PLXNA4: variants seen among roughly 807,000 people sequenced by gnomAD.
The protein encoded by PLXNA4 is plexin A4, also known as plexin-A4.
In PLXNA4, 44 loss-of-function variants were observed where a neutral mutation model predicts 191.8. The ratio of observed to expected loss-of-function variants is 0.23; its 90% CI spans 0.18 to 0.29. The LOEUF (loss-of-function observed/expected upper bound fraction) is 0.29, where lower values mean the gene tolerates loss of function less well. Among genes scored for constraint, PLXNA4 ranks in the 10% least tolerant of loss-of-function variants. The probability of loss-of-function intolerance (pLI) is 1.00; values close to 1 mark genes in which losing one functional copy is unlikely to be tolerated. For missense variants in PLXNA4, 1,800 were observed against 2,488.8 expected (o/e 0.72, Z 5.89); for synonymous variants, 1,082 against 1,009.5 (o/e 1.07, Z -1.36).
At position 132,569,207 on chromosome 7, in the gene PLXNA4, C is replaced by A. The variant is rs149196872; in HGVS notation, c.-87+7215G>T. 2.2e-3 allele frequency among the ~76,000 whole-genome samples: 332 copies of A among 152,360 alleles called. 1 individual carries two copies. The highest frequency in any genetic ancestry group is 1.9e-3 in the Non-Finnish European group (132 of 68,040). On this transcript the variant is annotated intron_variant, in intron 1 of 31. Coordinates refer to ENST00000321063, the MANE Select transcript of PLXNA4 (RefSeq NM_020911.2). ...TGTTCACACCAGGCTTCCCTGGATA[C>A]CTCCTGAGTGACTGAGCCACCAGCT...
intron 27 of PLXNA4, among the ~76,000 whole-genome samples, chr7:132,147,639 T>C (rs988366690): frequency 6.6e-6 from 1 of 152,222 alleles, no homozygotes; most frequent in Non-Finnish European, 1.5e-5. Flanking sequence ...TGTGAGATAA[T>C]AGCTATCACA....
At chr7:132,346,988 C>T (rs970178405) in intron 3 of PLXNA4, among the ~76,000 whole-genome samples, 1 of 152,118 alleles carries the variant, frequency 6.6e-6, no homozygotes, top group African/African-American at 2.4e-5. Flanking sequence ...AAACTGCATC[C>T]CTTTGCTAAG....
intron 1 of PLXNA4, among the ~76,000 whole-genome samples, chr7:132,536,272 A>G (rs1013481446): frequency 6.6e-6 from 1 of 152,180 alleles, no homozygotes; most frequent in Non-Finnish European, 1.5e-5. Flanking sequence ...TCTCCCTAGT[A>G]AGTTCAGTTT....
At chr7:132,212,517 G>T (rs892710578) in intron 9 of PLXNA4, among the ~76,000 whole-genome samples, 1 of 152,196 alleles carries the variant, frequency 6.6e-6, no homozygotes, top group Admixed American at 6.5e-5. Flanking sequence ...GCACATCACA[G>T]CCCATTTGAA....
In PLXNA4 at chr7:132,489,320, A is replaced by G. The variant is rs199914956; in HGVS notation, c.1343T>C (p.Val448Ala). The G allele has an allele frequency of 1.6e-5, 25 of 1,588,950 alleles. No individual in the cohort carries two copies. The African/African-American group carries it at 3.2e-4, about 20-fold the overall frequency. Residue 448 changes from valine to alanine, a missense_variant, in exon 3 of 32, where the codon GTG becomes GCG. Val to Ala is a moderately conservative substitution (Grantham distance 64). Coordinates refer to ENST00000321063, the MANE Select transcript of PLXNA4 (RefSeq NM_020911.2). ...YVYKNHSLAF[V>A]GTKSGKLKKI... is the part of the protein sequence containing the mutation. ...CTTCAGCTTGCCACTTTTGGTGCCC[A>G]CAAAGGCCAGAGAGTGGTTCTTGTA... is the stretch of plus-strand genomic sequence containing the variant.
intron 3 of PLXNA4, among the ~76,000 whole-genome samples, chr7:132,455,906 T>C (rs1024248346): frequency 1.3e-5 from 2 of 152,126 alleles, no homozygotes; most frequent in East Asian, 1.9e-4. Context: ...GGGAGGAAGA[T>C]GTGGGGCATG....
At chr7:132,298,399 G>C (rs889941633) in intron 3 of PLXNA4, among the ~76,000 whole-genome samples, 177 bp from the exon 4 acceptor site, 1 of 152,240 alleles carries the variant, frequency 6.6e-6, no homozygotes, top group Admixed American at 6.5e-5. Flanking sequence ...CCTCAGGATG[G>C]GAGTGGCAGA....
chr7:132,361,196 T>C (rs545353225), intron 3 of PLXNA4, among the ~76,000 whole-genome samples: 245 of 152,126 alleles, frequency 1.6e-3, no homozygotes, highest in African/African-American at 5.2e-3. Flanking sequence ...GAGAGAAGTG[T>C]CGCAGGTTGG....
Position 132,185,462 on chromosome 7 carries a change from G to T in PLXNA4, c.2995C>A (p.Arg999=), listed in dbSNP as rs1404515145. The T allele has an allele frequency of 2.5e-6, 4 of 1,610,836 alleles. No individual in the cohort carries two copies. The East Asian group carries it at 6.7e-5, about 27-fold the overall frequency. The part of the protein sequence containing the change: ...FGKQPCLFHR[R]SPSYIVCNTT... ...TTGCAGACAATGTAGGATGGAGATC[G>T]CCTGGAGGGCAGGAAGACAGAGCAC... The change falls in exon 16 of 32, where the codon CGA becomes AGA. Residue 999 remains arginine (R), a splice_region_variant and synonymous_variant. Coordinates refer to ENST00000321063, the MANE Select transcript of PLXNA4 (RefSeq NM_020911.2).
chr7:132,300,077 A>T (rs1373324893), intron 3 of PLXNA4, among the ~76,000 whole-genome samples: 1 of 152,202 alleles, frequency 6.6e-6, no homozygotes, highest in East Asian at 1.9e-4. Context: ...GTTACTGCAG[A>T]TATTTTCTTT....
intron 4 of PLXNA4, among the ~76,000 whole-genome samples, chr7:132,243,342 G>A (rs542542283): frequency 3.9e-5 from 6 of 152,130 alleles, no homozygotes; most frequent in Non-Finnish European, 5.9e-5. Flanking sequence ...GCATTTTCTC[G>A]CTCTAAACTT....
intron 3 of PLXNA4, among the ~76,000 whole-genome samples, chr7:132,452,278 G>A (rs193047306): frequency 9.3e-4 from 141 of 152,300 alleles, no homozygotes; most frequent in Admixed American, 8.5e-4. Context: ...AGCATGGAGA[G>A]ATGGAAGAGA....
chr7:132,541,824 C>T (rs1042559228), intron 1 of PLXNA4, among the ~76,000 whole-genome samples: 4 of 152,192 alleles, frequency 2.6e-5, no homozygotes, highest in Non-Finnish European at 5.9e-5. Flanking sequence ...TGCATCTGCT[C>T]AGATTCTAAC....
Position 132,613,915 on chromosome 7 carries a change from G to A in PLXNA4, c.-87+32013C>T, listed in dbSNP as rs117184272. On this transcript the variant is annotated intron_variant, in intron 2 of 4. Transcript: ENST00000378539. The stretch of plus-strand genomic sequence containing the variant: ...GGGCAGGTTACTTCTGCCTGTGGGC[G>A]TGGGGCTTCAAAGGGCAACATTGGA... 2.7e-3 allele frequency among the ~76,000 whole-genome samples: 413 copies of A among 152,284 alleles called. 3 individuals carry two copies. Among genetic ancestry groups the A allele is most frequent in the Non-Finnish European group, 3.5e-3 (236 of 68,030 alleles).
rs532837876 is a variant in PLXNA4 at position 132,294,754 on chromosome 7, G to A, written c.1503+3337C>T. 3.3e-5 allele frequency among the ~76,000 whole-genome samples: 5 copies of A among 152,332 alleles called. No individual in the cohort carries two copies. The East Asian group carries it at 5.8e-4, about 18-fold the overall frequency. On this transcript the variant is annotated intron_variant, in intron 4 of 31. Coordinates refer to ENST00000321063, the MANE Select transcript of PLXNA4 (RefSeq NM_020911.2). ...TATCAAGGTGTTTATGTTAAAATGAGGCTGATAGAGAGAGGCCCTAATCCA... is the reference window on the plus strand; with the variant it reads ...TATCAAGGTGTTTATGTTAAAATGAAGCTGATAGAGAGAGGCCCTAATCCA...
At chr7:132,398,973 C>G (rs1387858550) in intron 3 of PLXNA4, among the ~76,000 whole-genome samples, 1 of 152,154 alleles carries the variant, frequency 6.6e-6, no homozygotes, top group Non-Finnish European at 1.5e-5. Flanking sequence ...CACCTCCACT[C>G]CTCAGCTGGC....
At chr7:132,640,671 A>G (rs1803723542) in intron 2 of PLXNA4, among the ~76,000 whole-genome samples, 1 of 152,104 alleles carries the variant, frequency 6.6e-6, no homozygotes, top group Non-Finnish European at 1.5e-5. Context: ...CAGTTACCCA[A>G]TCTGCAGTAT....
At chr7:132,616,099 T>C (rs148260574) in intron 2 of PLXNA4, among the ~76,000 whole-genome samples, 269 of 152,234 alleles carry the variant, frequency 1.8e-3, no homozygotes, top group Non-Finnish European at 2.9e-3. Flanking sequence ...CCAAACTCCC[T>C]GGTCATGCTT....
At chr7:132,294,448 T>C (rs1801004398) in intron 4 of PLXNA4, among the ~76,000 whole-genome samples, 1 of 152,206 alleles carries the variant, frequency 6.6e-6, no homozygotes, top group African/African-American at 2.4e-5. Context: ...ATAGGCACTT[T>C]GGTCATTGAA....
Sources: allele counts gnomAD v4.1 joint callset (sites outside exome capture counted in the v4.1 genomes callset), GRCh38; gene constraint gnomAD v4.1.1; transcripts MANE v1.5; gene names NCBI Gene and HGNC (gene_info 2026-07-23, HGNC 2026-07-21).